DCC: variants seen among roughly 807,000 people sequenced by gnomAD.
DCC encodes DCC netrin 1 receptor.
In DCC, 58 loss-of-function variants were observed where a neutral mutation model predicts 172.5. The ratio of observed to expected loss-of-function variants is 0.34; its 90% confidence interval spans 0.27 to 0.42. The LOEUF (loss-of-function observed/expected upper bound fraction) is 0.42. Among genes scored for constraint, DCC ranks in the 10% least tolerant of loss-of-function variants. The probability of loss-of-function intolerance (pLI) is 1.00; values close to 1 mark genes in which losing one functional copy is unlikely to be tolerated. For missense variants in DCC, 1,740 were observed against 1,791.0 expected (o/e 0.97, Z 0.51); for synonymous variants, 709 against 644.5 (o/e 1.10, Z -1.52).
At chr18:52,790,785 T>A (rs1471910855) in intron 2 of DCC, among the ~76,000 whole-genome samples, 1 of 152,200 alleles carries the variant, frequency 6.6e-6, no homozygotes, top group East Asian at 1.9e-4. Flanking sequence ...GCCTGCAGAA[T>A]TGCCTGTTTT....
rs189205363 is a variant in DCC, at chr18:52,913,919, A to C, written c.697+7591A>C. Among the ~76,000 whole-genome samples the C allele has an allele frequency of 3.3e-5, 5 of 152,224 alleles. No individual in the cohort carries two copies. In the East Asian group the frequency reaches 9.6e-4, roughly 29 times the overall value. On this transcript the variant is annotated intron_variant, in intron 3 of 28. Coordinates refer to ENST00000442544, the MANE Select transcript of DCC (RefSeq NM_005215.4). ...GCTTCCTTCTTTGGCCTCATTTGCCATCTATTTATTCCTGGAACATAAAAA... is the reference window on the plus strand; with the variant it reads ...GCTTCCTTCTTTGGCCTCATTTGCCCTCTATTTATTCCTGGAACATAAAAA...
chr18:53,387,120 A>T (rs1908223034), intron 16 of DCC, among the ~76,000 whole-genome samples: 1 of 152,182 alleles, frequency 6.6e-6, no homozygotes, highest in Admixed American at 6.5e-5. Context: ...TGATGTTTGA[A>T]ATTTGGATGA....
At chr18:53,227,198 G>A (rs1489174803) in intron 12 of DCC, among the ~76,000 whole-genome samples, 10 of 151,362 alleles carry the variant, frequency 6.6e-5, no homozygotes, top group South Asian at 6.2e-4. Flanking sequence ...CTGCCACCTC[G>A]GCCTCCCATA....
intron 5 of DCC, among the ~76,000 whole-genome samples, chr18:52,959,247 A>C (rs1207921132): frequency 6.6e-6 from 1 of 152,184 alleles, no homozygotes; most frequent in Non-Finnish European, 1.5e-5. Flanking sequence ...CTGGATTTGC[A>C]CTGATAAAAC....
In DCC at chr18:52,717,803, A is replaced by G. The variant is rs1237265585; in HGVS notation, c.92-34251A>G. On this transcript the variant is annotated intron_variant, in intron 1 of 28. Transcript: ENST00000442544. ...AGATGATGTAAATGGTTGCCAAATC[A>G]AAGAAGCAGTACCCAAAAGTACATT... 3.9e-5 allele frequency among the ~76,000 whole-genome samples: 6 copies of G among 152,240 alleles called. No homozygotes were observed. The East Asian group carries it at 9.6e-4, about 24-fold the overall frequency.
intron 14 of DCC, among the ~76,000 whole-genome samples, chr18:53,327,730 A>G (rs2057482929): frequency 6.6e-6 from 1 of 152,180 alleles, no homozygotes; most frequent in Non-Finnish European, 1.5e-5. Flanking sequence ...TGGGGTAAGG[A>G]GTGCGATTTA....
At chr18:52,363,540 A>G (rs1394111750) in intron 1 of DCC, among the ~76,000 whole-genome samples, 1 of 152,106 alleles carries the variant, frequency 6.6e-6, no homozygotes, top group African/African-American at 2.4e-5. Context: ...AGGCTTTATC[A>G]CTGGGGATAT....
In DCC at chr18:53,190,912, C is replaced by T. The variant is rs1476911734; in HGVS notation, c.1573+11796C>T. Among the ~76,000 whole-genome samples the T allele has an allele frequency of 3.3e-5, 5 of 152,208 alleles. No individual in the cohort carries two copies. In the East Asian group the frequency reaches 9.6e-4, roughly 29 times the overall value. ...AGTGAGCCGAGATCGCGTCACTGCA[C>T]TCTTGCCTGGGAGACAGAGCGGACT... On this transcript the variant is annotated intron_variant, in intron 9 of 28. Coordinates refer to ENST00000442544, the MANE Select transcript of DCC (RefSeq NM_005215.4).
In DCC at chr18:53,526,740, C is replaced by A; in HGVS notation, c.4235C>A (p.Pro1412Gln). The A allele has an allele frequency of 6.2e-7, 1 of 1,613,406 alleles. No homozygotes were observed. The highest frequency in any genetic ancestry group is 1.1e-5 in the South Asian group (1 of 91,068). Residue 1412 changes from proline to glutamine, a missense_variant, in exon 28 of 29, where the codon CCA becomes CAA. Pro to Gln is a moderately conservative substitution (Grantham distance 76, BLOSUM62 -1). Transcript: ENST00000442544. ...GAAGTGTCTGAGGAGAGCCACAAAC[C>A]AACAGAGGATTCAGCCAATGTAAGG... ...APEVSEESHKPTEDSANVYEQ... is the reference protein window; with the variant it reads ...APEVSEESHKQTEDSANVYEQ...
chr18:52,641,117 G>A (rs1598979209), intron 1 of DCC, among the ~76,000 whole-genome samples: 1 of 152,064 alleles, frequency 6.6e-6, no homozygotes, highest in Non-Finnish European at 1.5e-5. Flanking sequence ...AAGTGGGGAA[G>A]GGACGCCCTT....
chr18:52,828,790 G>A (rs1314944807), intron 2 of DCC, among the ~76,000 whole-genome samples: 1 of 152,154 alleles, frequency 6.6e-6, no homozygotes, highest in Non-Finnish European at 1.5e-5. Flanking sequence ...AGTTACTTTA[G>A]TAAGTGCTTT....
chr18:53,305,709 C>T lies in DCC; in HGVS notation c.2043C>T (p.Tyr681=), dbSNP rs749818218. 29 of 1,613,794 alleles carry T rather than the reference C, an allele frequency of 1.8e-5. No homozygotes were observed. The highest frequency in any genetic ancestry group is 2.3e-5 in the Non-Finnish European group (27 of 1,179,882). ...METLEPNNLW[Y]LFTGLEKGSQ... ...CACTGGAGCCAAACAACCTCTGGTA[C>T]CTATTCACAGGTCAGTGTTCACATG... The change falls in exon 13 of 29, where the codon TAC becomes TAT. Residue 681 remains tyrosine, a synonymous_variant. Coordinates refer to ENST00000442544, the MANE Select transcript of DCC (RefSeq NM_005215.4).
intron 1 of DCC, among the ~76,000 whole-genome samples, chr18:52,527,003 GT>G: frequency 6.6e-6 from 1 of 152,152 alleles, no homozygotes; most frequent in Non-Finnish European, 1.5e-5. Flanking sequence ...TTCTTATCCA[GT>G]GAGCAAAAAG....
chr18:52,372,236 A>G (rs1213889573), intron 1 of DCC, among the ~76,000 whole-genome samples: 1 of 152,228 alleles, frequency 6.6e-6, no homozygotes, highest in Non-Finnish European at 1.5e-5. Flanking sequence ...TAACCTCTGC[A>G]TAATACTAGA....
At chr18:53,337,197 C>G (rs577815031) in intron 14 of DCC, among the ~76,000 whole-genome samples, 1 of 152,314 alleles carries the variant, frequency 6.6e-6, no homozygotes, top group Non-Finnish European at 1.5e-5. Context: ...AACAGTTGAA[C>G]AGTTTTTCCT....
At chr18:52,673,175 C>T (rs943894498) in intron 1 of DCC, among the ~76,000 whole-genome samples, 16 of 152,216 alleles carry the variant, frequency 1.1e-4, no homozygotes, top group Non-Finnish European at 2.1e-4. Context: ...GGTAGAGACA[C>T]TCGTTATATG....
intron 1 of DCC, among the ~76,000 whole-genome samples, chr18:52,490,832 CA>C (rs2144603483): frequency 6.6e-6 from 1 of 152,120 alleles, no homozygotes; most frequent in Non-Finnish European, 1.5e-5. Flanking sequence ...GTCTCCAGAC[CA>C]ATGCTAAAGC....
intron 25 of DCC, among the ~76,000 whole-genome samples, chr18:53,482,106 T>C (rs754602972): frequency 3.3e-5 from 5 of 152,068 alleles, no homozygotes; most frequent in Non-Finnish European, 5.9e-5. Flanking sequence ...CTTTCAAAAC[T>C]GACGTCAAGG....
intron 1 of DCC, among the ~76,000 whole-genome samples, chr18:52,529,555 G>T (rs1268966436): frequency 6.6e-6 from 1 of 152,206 alleles, no homozygotes; most frequent in African/African-American, 2.4e-5. Context: ...CTCCCAAAGT[G>T]CTGGGATTAC....
Sources: gnomAD v4.1 joint callset for allele counts (sites outside exome capture counted in the v4.1 genomes callset) on GRCh38, gnomAD v4.1.1 for gene constraint, MANE v1.5 for transcripts, NCBI Gene and HGNC (gene_info 2026-07-23, HGNC 2026-07-21) for gene names.